The following MOB1B variants were observed in gnomAD, a reference collection of about 807,000 sequenced individuals.
MOB1B encodes the protein MOB1 Mps One Binder homolog B.
MOB1B carries 19 observed loss-of-function variants against 24.4 expected under a neutral mutation model. The ratio of observed to expected loss-of-function variants is 0.78; its 90% CI spans 0.54 to 1.14. The LOEUF is 1.14. Ranked by LOEUF, MOB1B falls within the 50% of genes most tolerant of loss-of-function variation. The probability of loss-of-function intolerance (pLI) is 0.00; values close to 1 mark genes in which losing one functional copy is unlikely to be tolerated. For synonymous variants in MOB1B, 76 were observed against 82.1 expected, an observed-to-expected ratio of 0.93 and a Z score of 0.40; for missense variants, 243 against 259.6, an observed-to-expected ratio of 0.94 and a Z score of 0.44.
intron 1 of MOB1B, among the ~76,000 whole-genome samples, chr4:70,942,311 T>A (rs1737380717): frequency 6.6e-6 from 1 of 151,984 alleles, no homozygotes; most frequent in African/African-American, 2.4e-5. Flanking sequence ...ATTCTAGTGG[T>A]CTATTAAATA....
chr4:70,905,314 CTG>C (rs1735697639), intron 1 of MOB1B, among the ~76,000 whole-genome samples: 1 of 151,812 alleles, frequency 6.6e-6, no homozygotes, highest in Non-Finnish European at 1.5e-5. Flanking sequence ...CCACAGCTAA[CTG>C]TAGCTTTGAC....
rs140936072 is a variant in MOB1B at position 70,916,409 on chromosome 4, C to T, written c.14+13859C>T. Among the ~76,000 whole-genome samples the T allele has an allele frequency of 2.4e-3, 365 of 152,264 alleles. 3 individuals are homozygous for T. Among genetic ancestry groups the T allele is most frequent in the African/African-American group, 7.9e-3 (328 of 41,548 alleles). On this transcript the variant is annotated intron_variant, in intron 1 of 5. Coordinates refer to ENST00000309395, the MANE Select transcript of MOB1B (RefSeq NM_173468.4). ...AAAACCTTTGAGAGAATACAGTGCA[C>T]GAGAGAGACTATTATTATGACTATT...
chr4:70,902,252 G>A (rs913523205), upstream of MOB1B: 1 of 559,286 alleles, frequency 1.8e-6, no homozygotes. Context: ...CTCGTGAGGT[G>A]GGGGCGGCGG....
intron 1 of MOB1B, among the ~76,000 whole-genome samples, chr4:70,946,701 G>A (rs369997253): frequency 2.6e-4 from 39 of 152,140 alleles, no homozygotes; most frequent in African/African-American, 9.2e-4. Context: ...TTTTGCCAAG[G>A]TTGAGGATAT....
intron 1 of MOB1B, among the ~76,000 whole-genome samples, chr4:70,913,637 A>G (rs1220186516): frequency 1.3e-5 from 2 of 151,768 alleles, no homozygotes; most frequent in Non-Finnish European, 2.9e-5. Context: ...TATAGTGTCT[A>G]TTTGTCCATT....
intron 1 of MOB1B, among the ~76,000 whole-genome samples, chr4:70,924,231 T>C (rs1456743166): frequency 2.0e-5 from 3 of 152,194 alleles, no homozygotes; most frequent in Non-Finnish European, 2.9e-5. Context: ...TAGTTTTTGC[T>C]CACATATGCC....
At position 70,982,230 on chromosome 4, in the gene MOB1B, G is replaced by A; in HGVS notation, c.*173G>A. The A allele has an allele frequency of 2.0e-6, 1 of 508,244 alleles. No homozygotes were observed. Among genetic ancestry groups the A allele is most frequent in the Non-Finnish European group, 3.5e-6 (1 of 286,360 alleles). 31.5% of individuals were successfully genotyped at this position (508,244 alleles called of 1,614,324 possible). Reference sequence around the variant, plus strand: ...TATGTGAAACCATATTCTATTGCTAGGGGAAGCCAAGAACCATTCTCTATA... The same window carrying A: ...TATGTGAAACCATATTCTATTGCTAAGGGAAGCCAAGAACCATTCTCTATA... On this transcript the variant is annotated 3_prime_UTR_variant, in exon 6 of 6. Transcript: ENST00000309395.
chr4:70,971,946 T>C (rs1228946416), intron 3 of MOB1B, among the ~76,000 whole-genome samples: 2 of 151,862 alleles, frequency 1.3e-5, no homozygotes, highest in African/African-American at 4.8e-5. Flanking sequence ...TCTTTCTTCT[T>C]TCTCTACGTC....
In MOB1B at chr4:70,957,798, C is replaced by T. The variant is rs113862191; in HGVS notation, c.15-1076C>T. Among the ~76,000 whole-genome samples the T allele has an allele frequency of 7.2e-3, 1,068 of 148,502 alleles. 12 individuals carry two copies. The highest frequency in any genetic ancestry group is 0.026 in the African/African-American group (1,032 of 40,390). ...AAGAGATGGGGGTCTTGCTATGTTG[C>T]CCAAGGGGGAGTGCTGTGTCTATTC... is the stretch of plus-strand genomic sequence containing the variant. On this transcript the variant is annotated intron_variant, in intron 1 of 5. Coordinates refer to ENST00000309395, the MANE Select transcript of MOB1B (RefSeq NM_173468.4).
rs571210485 is a variant in MOB1B, at chr4:70,961,646, C to G, written c.181+2606C>G. 5.9e-5 allele frequency among the ~76,000 whole-genome samples: 9 copies of G among 152,274 alleles called. No homozygotes were observed. In the East Asian group the frequency reaches 1.7e-3, roughly 29 times the overall value. ...GCTTTGGACTGAAGCATTAGAACATCTGCTTAGGGCATACTCTGCTTTGAA... is the reference window on the plus strand; with the variant it reads ...GCTTTGGACTGAAGCATTAGAACATGTGCTTAGGGCATACTCTGCTTTGAA... On this transcript the variant is annotated intron_variant, in intron 2 of 5. Transcript: ENST00000309395.
intron 4 of MOB1B, among the ~76,000 whole-genome samples, chr4:70,976,955 C>T (rs1235225172): frequency 1.3e-5 from 2 of 151,954 alleles, no homozygotes; most frequent in African/African-American, 4.8e-5. Flanking sequence ...TAGTCGTTAA[C>T]ATCTTCCTCC....
chr4:70,971,463 T>C (rs2148900394), intron 3 of MOB1B, among the ~76,000 whole-genome samples: 1 of 147,906 alleles, frequency 6.8e-6, no homozygotes, highest in East Asian at 2.0e-4. Context: ...ATCGTGCCAG[T>C]GTGTGTACTC....
chr4:70,976,204 A>T (rs564998681), intron 4 of MOB1B: 1 of 984,884 alleles, frequency 1.0e-6, no homozygotes, highest in East Asian at 1.1e-4. Context: ...TGATGAGATC[A>T]GTATATCTAG....
rs141317098 is a variant in MOB1B, at chr4:70,973,780, G to A, written c.276-1373G>A. On this transcript the variant is annotated intron_variant, in intron 3 of 5. Coordinates refer to ENST00000309395, the MANE Select transcript of MOB1B (RefSeq NM_173468.4). ...CTTCATCCTTATTGCCCCACTTTTG[G>A]CAGTAAGGTTGTCTACAGAATGTTT... Among the ~76,000 whole-genome samples, 258 of 152,300 alleles carry A rather than the reference G, an allele frequency of 1.7e-3. 1 individual carries two copies. Among genetic ancestry groups the A allele is most frequent in the Non-Finnish European group, 2.7e-3 (182 of 68,020 alleles).
At chr4:70,950,602 T>C in intron 1 of MOB1B, 1 of 528,794 alleles carries the variant, frequency 1.9e-6, no homozygotes, top group Non-Finnish European at 3.3e-6. Flanking sequence ...TCAGAGTTAC[T>C]AGGATTAAAT....
rs554761383 is a variant in MOB1B, at chr4:70,969,515, T to G, written c.182-416T>G. On this transcript the variant is annotated intron_variant, in intron 2 of 5. Transcript: ENST00000309395. ...TTTTTAGGGCCTATGGAATGGCATC[T>G]CACTATCATTTCAATTTGTAGTTCC... Among the ~76,000 whole-genome samples the G allele has an allele frequency of 4.6e-5, 7 of 152,344 alleles. No homozygotes were observed. The East Asian group carries it at 1.2e-3, about 25-fold the overall frequency.
intron 1 of MOB1B, among the ~76,000 whole-genome samples, chr4:70,905,120 C>T (rs1735687099): frequency 6.6e-6 from 1 of 152,098 alleles, no homozygotes. Context: ...TGGTCTTTGT[C>T]TACCGTCAAT....
chr4:70,916,694 A>G (rs948534791), intron 1 of MOB1B, among the ~76,000 whole-genome samples: 1 of 152,162 alleles, frequency 6.6e-6, no homozygotes, highest in East Asian at 1.9e-4. Context: ...CAGCCTCCCA[A>G]GTAGCTGGGA....
intron 1 of MOB1B, among the ~76,000 whole-genome samples, chr4:70,907,649 CAG>C (rs1735799695): frequency 2.6e-5 from 4 of 152,036 alleles, no homozygotes; most frequent in Admixed American, 2.6e-4. Flanking sequence ...GGTAACATGG[CAG>C]AACCCCCATC....
Sources: gnomAD v4.1 joint callset for allele counts (sites outside exome capture counted in the v4.1 genomes callset) on GRCh38, gnomAD v4.1.1 for gene constraint, MANE v1.5 for transcripts, NCBI Gene and HGNC (gene_info 2026-07-23, HGNC 2026-07-21) for gene names.